The following CCSER1 variants were observed in gnomAD, a reference collection of about 807,000 sequenced individuals.
The protein encoded by CCSER1 is coiled-coil serine rich protein 1, also known as serine-rich coiled-coil domain-containing protein 1.
In CCSER1, 41 loss-of-function variants were observed where a neutral mutation model predicts 82.0. The observed-to-expected ratio is 0.50, with a 90% confidence interval of 0.39 to 0.65. The LOEUF is 0.65. Among genes scored for constraint, CCSER1 ranks in the 30% least tolerant of loss-of-function variants. The pLI, the probability that CCSER1 is intolerant of heterozygous loss-of-function variation, is 0.00. For missense variants in CCSER1, 1,119 were observed against 1,064.2 expected, an observed-to-expected ratio of 1.05 and a Z score of -0.72; for synonymous variants, 414 against 383.9, an observed-to-expected ratio of 1.08 and a Z score of -0.92.
chr4:90,149,015 C>G (rs1439000861), intron 1 of CCSER1, among the ~76,000 whole-genome samples: 3 of 152,100 alleles, frequency 2.0e-5, no homozygotes. Flanking sequence ...AGAATTTTAT[C>G]AGTGTTTCTT....
At chr4:91,551,006 A>G (rs1232134711) in intron 10 of CCSER1, among the ~76,000 whole-genome samples, 2 of 152,142 alleles carry the variant, frequency 1.3e-5, no homozygotes, top group African/African-American at 4.8e-5. Context: ...TATAGCCAGT[A>G]GCTCCAGATA....
At chr4:90,135,771 T>A (rs1723580423) in intron 1 of CCSER1, among the ~76,000 whole-genome samples, 1 of 152,236 alleles carries the variant, frequency 6.6e-6, no homozygotes, top group African/African-American at 2.4e-5. Flanking sequence ...TCATTGACAA[T>A]AAATATTTTA....
chr4:90,169,403 A>G (rs933413421), intron 1 of CCSER1, among the ~76,000 whole-genome samples: 3 of 152,266 alleles, frequency 2.0e-5, no homozygotes, highest in East Asian at 1.9e-4. Context: ...TTCTAGGTAT[A>G]CAATCATGTC....
intron 10 of CCSER1, among the ~76,000 whole-genome samples, chr4:91,093,301 T>C (rs981808559): frequency 1.3e-5 from 2 of 152,160 alleles, no homozygotes; most frequent in African/African-American, 4.8e-5. Flanking sequence ...GAAGATCGAG[T>C]CTGCTAGAAT....
At chr4:91,278,526 T>C (rs1308555650) in intron 10 of CCSER1, among the ~76,000 whole-genome samples, 1 of 152,148 alleles carries the variant, frequency 6.6e-6, no homozygotes, top group Non-Finnish European at 1.5e-5. Flanking sequence ...GAGTATCTTT[T>C]TCCGTCTCTT....
intron 7 of CCSER1, chr4:90,781,399 C>G: frequency 1.0e-6 from 1 of 985,338 alleles, no homozygotes; most frequent in Non-Finnish European, 1.2e-6. Context: ...AGCCCCTGTC[C>G]CATAAAATCT....
intron 9 of CCSER1, among the ~76,000 whole-genome samples, chr4:90,958,850 G>T (rs1025499878): frequency 6.6e-6 from 1 of 152,106 alleles, no homozygotes; most frequent in Non-Finnish European, 1.5e-5. Flanking sequence ...ATGGTATTTT[G>T]CTCTAGTAGC....
intron 3 of CCSER1, among the ~76,000 whole-genome samples, chr4:90,344,643 G>A (rs1210992601): frequency 1.3e-5 from 2 of 152,032 alleles, no homozygotes; most frequent in African/African-American, 2.4e-5. Flanking sequence ...ACTTATGATG[G>A]GGTTACATCC....
At chr4:90,243,235 T>A (rs1720727124) in intron 1 of CCSER1, among the ~76,000 whole-genome samples, 1 of 151,866 alleles carries the variant, frequency 6.6e-6, no homozygotes, top group African/African-American at 2.4e-5. Context: ...GTCCTGTTTT[T>A]ATTTACTTAT....
intron 1 of CCSER1, among the ~76,000 whole-genome samples, chr4:90,196,397 C>A (rs1736619735): frequency 6.6e-6 from 1 of 152,008 alleles, no homozygotes; most frequent in Non-Finnish European, 1.5e-5. Context: ...CTTCACTTAT[C>A]TCCAGGAGTT....
rs768510099 is a variant in CCSER1 at position 90,932,908 on chromosome 4, GAGAAAGAAAGAAAGAAAGAAAGAA to G, written c.2172+9513_2172+9536del. ...AAAGAAAGAAGGAAGGAGAAAGAAG[GAGAAAGAAAGAAAGAAAGAAAGAA>G]AGAAAGAAAGAAAGAAAGAAAGAAA... On this transcript the variant is annotated intron_variant, in intron 9 of 10. Coordinates refer to ENST00000509176, the MANE Select transcript of CCSER1 (RefSeq NM_001145065.2). 1.3e-3 allele frequency among the ~76,000 whole-genome samples: 42 copies of G among 33,478 alleles called. 8 individuals carry two copies. The highest frequency in any genetic ancestry group is 4.0e-3 in the African/African-American group (34 of 8,482). The allele number at this position is 33,478 out of a possible 152,430, so 22.0% of individuals were successfully genotyped here. A position where few individuals can be genotyped will look rare whatever the true frequency, so the allele number is the denominator to read the frequency against.
At chr4:91,035,337 G>C (rs997844343) in intron 9 of CCSER1, among the ~76,000 whole-genome samples, 2 of 151,982 alleles carry the variant, frequency 1.3e-5, no homozygotes, top group African/African-American at 4.8e-5. Flanking sequence ...AATATTTCTG[G>C]AACTGAGTCC....
intron 3 of CCSER1, among the ~76,000 whole-genome samples, chr4:90,330,196 G>A (rs1344105990): frequency 6.6e-6 from 1 of 151,914 alleles, no homozygotes; most frequent in African/African-American, 2.4e-5. Flanking sequence ...TTATTCTATT[G>A]GAAGGATACT....
intron 9 of CCSER1, among the ~76,000 whole-genome samples, chr4:90,969,516 A>G (rs962979426): frequency 6.6e-6 from 1 of 151,924 alleles, no homozygotes; most frequent in African/African-American, 2.4e-5. Context: ...ATTCTGAAAG[A>G]AAAAGACTGC....
intron 7 of CCSER1, among the ~76,000 whole-genome samples, chr4:90,770,374 G>A (rs1452811461): frequency 6.6e-6 from 1 of 152,136 alleles, no homozygotes; most frequent in African/African-American, 2.4e-5. Context: ...TTATGCGAAT[G>A]GAAGGTTAAA....
At chr4:91,467,497 A>C (rs1756989553) in intron 10 of CCSER1, among the ~76,000 whole-genome samples, 1 of 152,210 alleles carries the variant, frequency 6.6e-6, no homozygotes, top group African/African-American at 2.4e-5. Flanking sequence ...CAAAATAGAC[A>C]AATGGGATCT....
chr4:90,801,001 G>A (rs1311758550), intron 7 of CCSER1, among the ~76,000 whole-genome samples: 2 of 151,996 alleles, frequency 1.3e-5, no homozygotes, highest in Non-Finnish European at 2.9e-5. Context: ...CAGTAAGATG[G>A]GCTACATTAC....
At chr4:90,175,313 T>G (rs1332827511) in intron 1 of CCSER1, among the ~76,000 whole-genome samples, 1 of 151,968 alleles carries the variant, frequency 6.6e-6, no homozygotes, top group East Asian at 1.9e-4. Context: ...TAATTTATGA[T>G]GATAGAAAGC....
chr4:91,391,666 G>C (rs1385893761), intron 10 of CCSER1, among the ~76,000 whole-genome samples: 2 of 152,222 alleles, frequency 1.3e-5, no homozygotes, highest in African/African-American at 2.4e-5. Context: ...CCAGCAGTCT[G>C]TTGCTAACTT....
Sources: gnomAD v4.1 joint callset for allele counts (sites outside exome capture counted in the v4.1 genomes callset) on GRCh38, gnomAD v4.1.1 for gene constraint, MANE v1.5 for transcripts, NCBI Gene and HGNC (gene_info 2026-07-23, HGNC 2026-07-21) for gene names.